The following TMEM108 variants were observed in gnomAD, a reference collection of about 807,000 sequenced individuals.
TMEM108 encodes the protein cancer/testis antigen 124.
In TMEM108, 12 loss-of-function variants were observed where a neutral mutation model predicts 35.1. The ratio of observed to expected loss-of-function variants is 0.34; its 90% CI spans 0.22 to 0.55. The LOEUF is 0.55. Among genes scored for constraint, TMEM108 ranks in the 20% least tolerant of loss-of-function variants. TMEM108 has a pLI of 0.89. For synonymous variants in TMEM108, 287 were observed against 308.6 expected (o/e 0.93, Z 0.73); for missense variants, 680 against 753.3 (o/e 0.90, Z 1.14).
intron 3 of TMEM108, among the ~76,000 whole-genome samples, chr3:133,259,558 T>C (rs1946595618): frequency 6.6e-6 from 1 of 152,204 alleles, no homozygotes; most frequent in Admixed American, 6.5e-5. Flanking sequence ...TGGCTGCAAA[T>C]AAATAATTGA....
intron 3 of TMEM108, among the ~76,000 whole-genome samples, chr3:133,333,399 C>T (rs774493064): frequency 6.6e-6 from 1 of 152,010 alleles, no homozygotes; most frequent in Non-Finnish European, 1.5e-5. Flanking sequence ...AAACTTAGAG[C>T]CAGAAAGACC....
chr3:133,147,060 C>T (rs928400197), intron 2 of TMEM108, among the ~76,000 whole-genome samples: 12 of 152,020 alleles, frequency 7.9e-5, no homozygotes, highest in Non-Finnish European at 1.6e-4. Context: ...ATTAGGGTGT[C>T]GATTGTAGAT....
At chr3:133,319,014 C>T (rs2071232763) in intron 3 of TMEM108, among the ~76,000 whole-genome samples, 1 of 151,454 alleles carries the variant, frequency 6.6e-6, no homozygotes, top group South Asian at 2.1e-4. Flanking sequence ...TGTTTGCAGG[C>T]CACAGTGGGA....
At chr3:133,102,555 G>C (rs939953597) in intron 2 of TMEM108, among the ~76,000 whole-genome samples, 1 of 152,182 alleles carries the variant, frequency 6.6e-6, no homozygotes, top group Non-Finnish European at 1.5e-5. Context: ...CCCTAGAATA[G>C]ACTGTGAGTC....
Position 133,076,732 on chromosome 3 carries a change from A to G in TMEM108, c.-47+30712A>G, listed in dbSNP as rs561684256. The stretch of plus-strand genomic sequence containing the variant: ...TCCTCATTTGGCCAAAGGCCAACAG[A>G]CAGTTTTCTGGGTTGAGATGTAGGA... On this transcript the variant is annotated intron_variant, in intron 2 of 5. Coordinates refer to ENST00000321871, the MANE Select transcript of TMEM108 (RefSeq NM_023943.4). 1.9e-3 allele frequency among the ~76,000 whole-genome samples: 296 copies of G among 152,352 alleles called. 1 individual carries two copies. Among genetic ancestry groups the G allele is most frequent in the African/African-American group, 6.8e-3 (282 of 41,586 alleles).
chr3:133,099,335 A>C (rs6777759), intron 2 of TMEM108, among the ~76,000 whole-genome samples: 2,169 of 151,792 alleles, frequency 0.014, 38 homozygotes, highest in African/African-American at 0.048. Context: ...CCACAAAACC[A>C]CTTTTTCCTC....
rs201490452 is a variant in TMEM108 at position 133,226,393 on chromosome 3, T to C, written c.-46-2873T>C. Among the ~76,000 whole-genome samples, 9 of 152,346 alleles carry C rather than the reference T, an allele frequency of 5.9e-5. No individual in the cohort carries two copies. In the East Asian group the frequency reaches 9.6e-4, roughly 16 times the overall value. ...TAGCTTTGCAGGACCATTTAAAATA[T>C]GTCAAAGAAATATATTTTTGGGTAA... On this transcript the variant is annotated intron_variant, in intron 2 of 5. Transcript: ENST00000321871.
In TMEM108 at chr3:133,232,172, A is replaced by G. The variant is rs141631550; in HGVS notation, c.40+2821A>G. Among the ~76,000 whole-genome samples, 8 of 152,252 alleles carry G rather than the reference A, an allele frequency of 5.3e-5. No individual in the cohort carries two copies. In the East Asian group the frequency reaches 9.7e-4, roughly 18 times the overall value. ...TTGGATATCTGATCCCTCCAAGTCT[A>G]ATGTTGAAATTTTATCCCGTTTTGG... On this transcript the variant is annotated intron_variant, in intron 3 of 5. Transcript: ENST00000321871.
intron 2 of TMEM108, among the ~76,000 whole-genome samples, chr3:133,186,684 T>C (rs560128160): frequency 8.5e-5 from 13 of 152,340 alleles, no homozygotes; most frequent in African/African-American, 3.1e-4. Flanking sequence ...GTCTTCCCAA[T>C]CCAAATTTCC....
At chr3:133,050,200 G>A (rs1260636802) in intron 2 of TMEM108, among the ~76,000 whole-genome samples, 2 of 152,164 alleles carry the variant, frequency 1.3e-5, no homozygotes, top group Non-Finnish European at 2.9e-5. Flanking sequence ...AGTATTGCTG[G>A]AGTTGAGGGG....
At chr3:133,145,941 T>A (rs2107761579) in intron 2 of TMEM108, among the ~76,000 whole-genome samples, 1 of 152,272 alleles carries the variant, frequency 6.6e-6, no homozygotes, top group Admixed American at 6.5e-5. Context: ...TCTCTTCCTA[T>A]TTGAATACGC....
intron 3 of TMEM108, among the ~76,000 whole-genome samples, chr3:133,258,299 G>T (rs1576417171): frequency 6.6e-6 from 1 of 152,154 alleles, no homozygotes; most frequent in East Asian, 1.9e-4. Context: ...AAAACTATGA[G>T]AAGTAAATTG....
intron 2 of TMEM108, among the ~76,000 whole-genome samples, chr3:133,203,877 C>G (rs181031176): frequency 1.7e-4 from 26 of 152,254 alleles, no homozygotes; most frequent in East Asian, 1.5e-3. Flanking sequence ...ATGGAAGCAG[C>G]TTTTCTTTAT....
chr3:133,201,470 G>GC (rs1200422212), intron 2 of TMEM108, among the ~76,000 whole-genome samples: 1 of 150,942 alleles, frequency 6.6e-6, no homozygotes, highest in African/African-American at 2.4e-5. Flanking sequence ...CTCCTGACAG[G>GC]CCCCCGTGTG....
intron 3 of TMEM108, among the ~76,000 whole-genome samples, chr3:133,339,022 G>A (rs1442136708): frequency 6.6e-6 from 1 of 151,450 alleles, no homozygotes; most frequent in Non-Finnish European, 1.5e-5. Flanking sequence ...CCAAAGAACA[G>A]AACACAGGAA....
intron 3 of TMEM108, chr3:133,247,259 G>T (rs1440808206): frequency 6.6e-6 from 1 of 152,106 alleles, no homozygotes; most frequent in Non-Finnish European, 1.5e-5. Context: ...TTGAAGAAAA[G>T]TTTATATCAA....
chr3:133,213,341 G>T (rs1945861338), intron 2 of TMEM108, among the ~76,000 whole-genome samples: 1 of 152,118 alleles, frequency 6.6e-6, no homozygotes, highest in Admixed American at 6.5e-5. Flanking sequence ...GAAAGTTGAG[G>T]CTCCAGAGAA....
chr3:133,262,773 T>C (rs1161240599), intron 3 of TMEM108, among the ~76,000 whole-genome samples: 1 of 152,220 alleles, frequency 6.6e-6, no homozygotes, highest in Non-Finnish European at 1.5e-5. Context: ...GGTTGCTCCC[T>C]TCAAAGAACT....
chr3:133,108,315 C>T (rs1012403096), intron 2 of TMEM108, among the ~76,000 whole-genome samples: 9 of 152,128 alleles, frequency 5.9e-5, no homozygotes, highest in Non-Finnish European at 1.5e-5. Flanking sequence ...GCCATTCTAA[C>T]TGGTGTGAGA....
Sources: allele counts gnomAD v4.1 joint callset (sites outside exome capture counted in the v4.1 genomes callset), GRCh38; gene constraint gnomAD v4.1.1; transcripts MANE v1.5; gene names NCBI Gene and HGNC (gene_info 2026-07-23, HGNC 2026-07-21).